The following KLF8 variants were observed in gnomAD, a reference collection of about 807,000 sequenced individuals.
KLF8 encodes the protein KLF transcription factor 8.
KLF8 carries 10 observed loss-of-function variants against 18.2 expected under a neutral mutation model. The ratio of observed to expected loss-of-function variants is 0.55; its 90% CI spans 0.34 to 0.93. The LOEUF (loss-of-function observed/expected upper bound fraction) is 0.93. Among genes scored for constraint, KLF8 ranks in the 40% least tolerant of loss-of-function variants. KLF8 has a pLI of 0.02. For synonymous variants in KLF8, 109 were observed against 97.3 expected (o/e 1.12, Z -0.71); for missense variants, 264 against 277.9 (o/e 0.95, Z 0.36).
At chrX:56,163,258 A>AT in the KLF8 span, among the ~76,000 whole-genome samples, 3 of 111,015 alleles carry the variant, frequency 2.7e-5, no homozygotes, top group Admixed American at 9.6e-5. Flanking sequence ...AGCATCTGTT[A>AT]TTTTTTTGAC....
chrX:56,254,107 C>T (rs998931822), intron 2 of KLF8, among the ~76,000 whole-genome samples: 28 of 111,094 alleles, frequency 2.5e-4, no homozygotes, highest in East Asian at 1.7e-3. Flanking sequence ...TGAGCCACTG[C>T]GCCCAGACAA....
intron 5 of KLF8, among the ~76,000 whole-genome samples, chrX:56,278,358 C>G (rs1429187158): frequency 9.0e-6 from 1 of 110,548 alleles, no homozygotes; most frequent in African/African-American, 3.3e-5. Flanking sequence ...GCTCTTTAGT[C>G]AGTAGGTGAT....
At chrX:56,197,487 G>A in the KLF8 span, among the ~76,000 whole-genome samples, 1 of 111,903 alleles carries the variant, frequency 8.9e-6, no homozygotes. Context: ...AGAAAATCTA[G>A]AAGAAATGGA....
In KLF8 at chrX:56,288,240, CA is replaced by C. The variant is rs1232706091; in HGVS notation, c.*3759del. Among the ~76,000 whole-genome samples the C allele has an allele frequency of 1.3e-3, 133 of 99,615 alleles. No homozygotes were observed. Among genetic ancestry groups the C allele is most frequent in the South Asian group, 2.7e-3 (6 of 2,240 alleles). 86.5% of individuals were successfully genotyped at this position (99,615 alleles called of 115,157 possible). On this transcript the variant is annotated 3_prime_UTR_variant, in exon 6 of 6. Coordinates refer to ENST00000468660, the MANE Select transcript of KLF8 (RefSeq NM_007250.5). ...GGTGACAGAGCGACACACTTGATCT[CA>C]AAAAAAAAAAAATTGTTTCAGCATC...
At chrX:56,156,248 T>C in the KLF8 span, among the ~76,000 whole-genome samples, 1 of 112,245 alleles carries the variant, frequency 8.9e-6, no homozygotes, top group Non-Finnish European at 1.9e-5. Context: ...TTGTTTTCGC[T>C]TTTAAGTTCA....
the KLF8 span, among the ~76,000 whole-genome samples, chrX:56,138,270 C>G: frequency 9.0e-6 from 1 of 111,249 alleles, no homozygotes; most frequent in African/African-American, 3.3e-5. Context: ...CCTACTGAAA[C>G]TATTTCAAAA....
At chrX:56,253,764 C>CTTTCTTTTT (rs1555930256) in intron 2 of KLF8, among the ~76,000 whole-genome samples, 4 of 60,113 alleles carry the variant, frequency 6.7e-5, no homozygotes, top group Non-Finnish European at 9.0e-5. Context: ...TTTTCTTTTT[C>CTTTCTTTTT]TTTTTTTTTT....
chrX:56,041,403 C>A, the KLF8 span, among the ~76,000 whole-genome samples: 1 of 111,328 alleles, frequency 9.0e-6, no homozygotes, highest in East Asian at 2.8e-4. Flanking sequence ...GCATGAGCCA[C>A]CTCGCCCAAC....
At chrX:56,034,794 G>C in the KLF8 span, among the ~76,000 whole-genome samples, 1 of 75,084 alleles carries the variant, frequency 1.3e-5, no homozygotes, top group Non-Finnish European at 2.3e-5. Context: ...CTCGCTCTGT[G>C]GCCCAGGCTG....
intron 3 of KLF8, chrX:56,268,791 T>G: frequency 1.3e-6 from 1 of 799,900 alleles, no homozygotes; most frequent in Non-Finnish European, 1.5e-6. Flanking sequence ...ATTAGAAACA[T>G]CAGGGGTTGA....
the KLF8 span, among the ~76,000 whole-genome samples, chrX:56,069,893 A>G: frequency 1.8e-5 from 2 of 112,476 alleles, no homozygotes; most frequent in Non-Finnish European, 3.8e-5. Flanking sequence ...GAGCAATCCC[A>G]TTGCTGGGTA....
At chrX:55,923,452 G>A in the KLF8 span, among the ~76,000 whole-genome samples, 5 of 110,850 alleles carry the variant, frequency 4.5e-5, no homozygotes, top group South Asian at 3.9e-4. Flanking sequence ...ATTTACCTAC[G>A]TAAGAAGCCT....
At chrX:56,025,812 A>G in the KLF8 span, among the ~76,000 whole-genome samples, 1 of 111,893 alleles carries the variant, frequency 8.9e-6, no homozygotes, top group South Asian at 3.8e-4. Flanking sequence ...GAGTGTTATT[A>G]TATAAACATG....
the KLF8 span, among the ~76,000 whole-genome samples, chrX:56,125,873 A>G: frequency 6.3e-5 from 7 of 111,868 alleles, no homozygotes; most frequent in African/African-American, 2.3e-4. Context: ...TGGAAAAATA[A>G]TTTGTACTTC....
the KLF8 span, among the ~76,000 whole-genome samples, chrX:55,952,780 C>T: frequency 3.9e-3 from 439 of 112,084 alleles, no homozygotes; most frequent in African/African-American, 0.013. Flanking sequence ...ACTATGACTG[C>T]TAATATTTAC....
the KLF8 span, among the ~76,000 whole-genome samples, chrX:56,203,962 A>G: frequency 1.8e-5 from 2 of 110,879 alleles, no homozygotes; most frequent in Non-Finnish European, 3.8e-5. Context: ...TCTGTGGGGA[A>G]GGTCTTTGGT....
intron 1 of KLF8, among the ~76,000 whole-genome samples, chrX:56,242,047 G>T (rs1035975447): frequency 4.5e-5 from 5 of 112,160 alleles, no homozygotes; most frequent in Non-Finnish European, 9.4e-5. Flanking sequence ...TAAAATGCAG[G>T]CCTGGAGTTT....
chrX:56,065,530 C>CT, the KLF8 span, among the ~76,000 whole-genome samples: 1 of 109,953 alleles, frequency 9.1e-6, no homozygotes, highest in Non-Finnish European at 1.9e-5. Flanking sequence ...ATTTTCAATT[C>CT]TTTTTTAAGA....
the KLF8 span, among the ~76,000 whole-genome samples, chrX:55,966,725 A>G: frequency 9.0e-6 from 1 of 111,649 alleles, no homozygotes; most frequent in Non-Finnish European, 1.9e-5. Context: ...TCACTGATGA[A>G]CATCCACATG....
Sources: allele counts gnomAD v4.1 joint callset (sites outside exome capture counted in the v4.1 genomes callset), GRCh38; gene constraint gnomAD v4.1.1; transcripts MANE v1.5; gene names NCBI Gene and HGNC (gene_info 2026-07-23, HGNC 2026-07-21).